PUM2: variants seen among roughly 807,000 people sequenced by gnomAD.
PUM2 encodes the protein pumilio RNA binding family member 2, also known as pumilio homolog 2.
Under a neutral mutation model 124.5 loss-of-function variants are expected in PUM2, and 57 were observed. The observed-to-expected ratio is 0.46, with a 90% confidence interval of 0.37 to 0.57. PUM2 has a LOEUF of 0.57. Ranked by LOEUF, PUM2 falls within the 20% of genes least tolerant of loss-of-function variation. PUM2 has a pLI of 0.00. For synonymous variants in PUM2, 460 were observed against 446.1 expected (o/e 1.03, Z -0.39); for missense variants, 1,065 against 1,290.6 (o/e 0.83, Z 2.68).
intron 7 of PUM2, among the ~76,000 whole-genome samples, chr2:20,301,828 T>G (rs1188922987): frequency 6.6e-6 from 1 of 152,166 alleles, no homozygotes; most frequent in African/African-American, 2.4e-5. Flanking sequence ...TCCACCCAAC[T>G]TGACCTCCCC....
chr2:20,267,026 CT>C (rs373222999), intron 13 of PUM2, among the ~76,000 whole-genome samples: 499 of 142,452 alleles, frequency 3.5e-3, no homozygotes, highest in Middle Eastern at 3.6e-3. Context: ...ATGCCTGTAA[CT>C]TTTTTTTTTT....
chr2:20,298,207 G>C (rs75193416), intron 7 of PUM2, among the ~76,000 whole-genome samples: 1 of 152,196 alleles, frequency 6.6e-6, no homozygotes, highest in Non-Finnish European at 1.5e-5. Context: ...GGCACAGAGA[G>C]GAGGAACATC....
At chr2:20,299,691 T>A (rs925588377) in intron 7 of PUM2, among the ~76,000 whole-genome samples, 1 of 151,876 alleles carries the variant, frequency 6.6e-6, no homozygotes, top group Non-Finnish European at 1.5e-5. Context: ...AACAACATGG[T>A]TTTAGAGAGT....
rs1181527292 is a variant in PUM2 at position 20,253,843 on chromosome 2, C to T, written c.3042G>A (p.Gln1014=). Residue 1014 remains glutamine, a synonymous_variant, in exon 20 of 21, where the codon CAG becomes CAA. Coordinates refer to ENST00000361078, the MANE Select transcript of PUM2 (RefSeq NM_015317.5). ...QKMIDMAEPA[Q]RKIIMHKIRP... is the part of the protein sequence containing the mutation. ...TTACCTTGTGCATGATTATCTTTCT[C>T]TGAGCAGGTTCAGCCATATCAATCA... The T allele has an allele frequency of 1.2e-6, 2 of 1,612,902 alleles. No individual in the cohort carries two copies. The highest frequency in any genetic ancestry group is 1.7e-5 in the Admixed American group (1 of 59,816).
chr2:20,288,990 C>T (rs936391781), intron 10 of PUM2, among the ~76,000 whole-genome samples: 14 of 151,908 alleles, frequency 9.2e-5, no homozygotes, highest in African/African-American at 3.4e-4. Context: ...ATTAAGTAAT[C>T]CACTTTAAGA....
rs781262289 is a variant in PUM2 at position 20,282,961 on chromosome 2, C to G, written c.1706G>C (p.Gly569Ala). Residue 569 changes from glycine (G) to alanine (A), a missense_variant, in exon 12 of 21, where the codon GGA (glycine) becomes GCA (alanine). Transcript: ENST00000361078. ...AACAAACTTACCTGATGAACCAAATCCACTGAGGGCTGAGCCTATAGCAGC... is the reference window on the plus strand; with the variant it reads ...AACAAACTTACCTGATGAACCAAATGCACTGAGGGCTGAGCCTATAGCAGC... ...LGAAIGSALSGFGSSVGSSAS... is the reference protein window; with the variant it reads ...LGAAIGSALSAFGSSVGSSAS... 6.2e-7 allele frequency: 1 copy of G among 1,613,254 alleles called. No individual in the cohort carries two copies. The highest frequency in any genetic ancestry group is 1.1e-5 in the South Asian group (1 of 90,996).
chr2:20,322,259 T>C (rs769286499), intron 2 of PUM2, among the ~76,000 whole-genome samples: 2 of 152,050 alleles, frequency 1.3e-5, no homozygotes, highest in African/African-American at 4.8e-5. Flanking sequence ...ACTCTACTTA[T>C]AATGGAAGTT....
At chr2:20,258,464 C>A in intron 15 of PUM2, 93 bp from the exon 16 acceptor site, 1 of 1,318,840 alleles carries the variant, frequency 7.6e-7, no homozygotes. Context: ...TTCATTCTAT[C>A]AGTAACTATG....
chr2:20,317,575 G>C (rs954341706), intron 3 of PUM2, among the ~76,000 whole-genome samples: 1 of 151,972 alleles, frequency 6.6e-6, no homozygotes, highest in Non-Finnish European at 1.5e-5. Context: ...ATTCTAGATT[G>C]GGGGGGTACA....
At chr2:20,326,318 G>A (rs1285384437) in intron 2 of PUM2, 30 of 1,303,890 alleles carry the variant, frequency 2.3e-5, no homozygotes, top group Non-Finnish European at 2.9e-5. Context: ...TCTGAAGAAG[G>A]GGAGGGTTAG....
chr2:20,254,142 A>C, intron 19 of PUM2, 128 bp from the exon 20 acceptor site: 1 of 801,522 alleles, frequency 1.2e-6, no homozygotes, highest in Non-Finnish European at 1.9e-6. Context: ...CTCTTGTCTT[A>C]TGATTACTTT....
At chr2:20,345,148 G>T (rs1369139283) in intron 1 of PUM2, among the ~76,000 whole-genome samples, 1 of 148,276 alleles carries the variant, frequency 6.7e-6, no homozygotes, top group East Asian at 2.0e-4. Context: ...CGCCCAGTCT[G>T]GAGTGCAGCG....
chr2:20,334,428 T>C (rs1475633560), intron 1 of PUM2, among the ~76,000 whole-genome samples: 1 of 152,202 alleles, frequency 6.6e-6, no homozygotes, highest in African/African-American at 2.4e-5. Context: ...CAATAAATGG[T>C]ATTAAAGCAC....
In PUM2 at chr2:20,255,269, G is replaced by A. The variant is rs1664501240; in HGVS notation, c.2695C>T (p.Gln899Ter). 1 of 1,606,772 alleles carries A rather than the reference G, an allele frequency of 6.2e-7. No homozygotes were observed. The highest frequency in any genetic ancestry group is 1.3e-5 in the African/African-American group (1 of 74,750). The change falls in exon 18 of 21, where the codon CAG (glutamine) becomes TAG (stop). Residue 899 changes from glutamine (Q) to a stop codon, truncating the protein, a stop_gained. Coordinates refer to ENST00000361078, the MANE Select transcript of PUM2 (RefSeq NM_015317.5). LOFTEE classifies it high-confidence loss of function. ...QRILEHCTAE[Q>*]TLPILEELHQ... ...AGTTCTTCTAAGATAGGTAAGGTCT[G>A]TTCTGCAGTGCAATGCTCTAGGATG...
At chr2:20,252,279 A>G (rs1195014618) in intron 20 of PUM2, among the ~76,000 whole-genome samples, 2 of 152,202 alleles carry the variant, frequency 1.3e-5, no homozygotes, top group East Asian at 3.8e-4. Flanking sequence ...AACTAAAAGC[A>G]TGCATGCCTG....
intron 1 of PUM2, among the ~76,000 whole-genome samples, chr2:20,335,184 C>CAA (rs1685741045): frequency 6.6e-6 from 1 of 152,216 alleles, no homozygotes; most frequent in African/African-American, 2.4e-5. Flanking sequence ...CTCAGCCCCT[C>CAA]AAAGTGCTAG....
intron 1 of PUM2, among the ~76,000 whole-genome samples, chr2:20,345,526 G>A (rs1042794551): frequency 1.3e-5 from 2 of 152,032 alleles, no homozygotes; most frequent in Admixed American, 6.6e-5. Context: ...ACATATCACC[G>A]TATCACCAGC....
chr2:20,255,353 T>C lies in PUM2; in HGVS notation c.2623-12A>G. The stretch of plus-strand genomic sequence containing the variant: ...GAAAGCACAAATACCTGAGGACAAT[T>C]AGAAGAATTAAAATTTGTATTCTCT... On this transcript the variant is annotated splice_polypyrimidine_tract_variant and intron_variant, in intron 17 of 20. Coordinates refer to ENST00000361078, the MANE Select transcript of PUM2 (RefSeq NM_015317.5). 1 of 1,606,986 alleles carries C rather than the reference T, an allele frequency of 6.2e-7. No individual in the cohort carries two copies. Among genetic ancestry groups the C allele is most frequent in the South Asian group, 1.1e-5 (1 of 90,320 alleles).
chr2:20,281,943 C>A (rs1232815740), intron 12 of PUM2, among the ~76,000 whole-genome samples: 1 of 152,096 alleles, frequency 6.6e-6, no homozygotes, highest in African/African-American at 2.4e-5. Context: ...GTTAATAATG[C>A]CTGGCATGTG....
Sources: allele counts gnomAD v4.1 joint callset (sites outside exome capture counted in the v4.1 genomes callset), GRCh38; gene constraint gnomAD v4.1.1; transcripts MANE v1.5; gene names NCBI Gene and HGNC (gene_info 2026-07-23, HGNC 2026-07-21).